Variants in WDR11 observed in about 807,000 individuals in gnomAD.
WDR11 encodes WD repeat domain 11, also known as WD repeat-containing protein 11.
Under a neutral mutation model 151.2 loss-of-function variants are expected in WDR11, and 83 were observed. The observed-to-expected ratio is 0.55, with a 90% CI of 0.46 to 0.66. The LOEUF is 0.66. Among genes scored for constraint, WDR11 ranks in the 30% least tolerant of loss-of-function variants. The pLI is 0.00. For synonymous variants in WDR11, 484 were observed against 533.1 expected (o/e 0.91, Z 1.27); for missense variants, 1,301 against 1,480.9 (o/e 0.88, Z 1.99).
chr10:120,873,385 A>G (rs1846616153), intron 10 of WDR11, among the ~76,000 whole-genome samples: 1 of 152,212 alleles, frequency 6.6e-6, no homozygotes, highest in African/African-American at 2.4e-5. Context: ...TCTTGTCAGG[A>G]TTTATTTAAT....
intron 23 of WDR11, 84 bp downstream of exon 23, chr10:120,903,316 T>G: frequency 6.6e-7 from 1 of 1,524,084 alleles, no homozygotes; most frequent in Non-Finnish European, 9.0e-7. Flanking sequence ...TTGGGAAACT[T>G]TCAAACTAAG....
intron 2 of WDR11, 102 bp downstream of exon 2, chr10:120,852,737 G>C: frequency 1.0e-6 from 1 of 994,334 alleles, no homozygotes. Flanking sequence ...GTGTTGAATA[G>C]CTTTTAAATA....
intron 2 of WDR11, among the ~76,000 whole-genome samples, chr10:120,856,650 G>A (rs900342868): frequency 6.9e-6 from 1 of 144,000 alleles, no homozygotes; most frequent in Admixed American, 6.9e-5. Context: ...TTTTGTTTTT[G>A]TTTCTCTGCA....
At chr10:120,894,128 C>T (rs1442718247) in intron 19 of WDR11, among the ~76,000 whole-genome samples, 1 of 151,764 alleles carries the variant, frequency 6.6e-6, no homozygotes, top group Non-Finnish European at 1.5e-5. Context: ...AGGTTTTCTT[C>T]TAGGGTTTTT....
chr10:120,898,658 G>A (rs1199013165), intron 19 of WDR11, among the ~76,000 whole-genome samples: 2 of 152,198 alleles, frequency 1.3e-5, no homozygotes, highest in African/African-American at 4.8e-5. Context: ...ACGATAGTAA[G>A]TGAGTTCTTA....
At position 120,903,231 on chromosome 10, in the gene WDR11, A is replaced by G. The variant is rs1217204869; in HGVS notation, c.2930A>G (p.Gln977Arg). 2.5e-6 allele frequency: 4 copies of G among 1,614,182 alleles called. No individual in the cohort carries two copies. Reference protein sequence around the residue: ...YDVLCENAYFQKFQLERVNLQ... With the variant: ...YDVLCENAYFRKFQLERVNLQ... ...GTGCTCTGTGAAAATGCCTACTTTC[A>G]GGTAGTCTGCTTCACACAGCAAAAC... The change falls in exon 23 of 29, where the codon CAG becomes CGG. Residue 977 changes from glutamine to arginine, a missense_variant and splice_region_variant. Gln to Arg is a conservative substitution (Grantham distance 43). Transcript: ENST00000263461.
intron 2 of WDR11, among the ~76,000 whole-genome samples, chr10:120,854,755 G>GTATC (rs1731394403): frequency 6.6e-6 from 1 of 152,164 alleles, no homozygotes; most frequent in African/African-American, 2.4e-5. Context: ...AAGGTGTGGA[G>GTATC]TATCTTTTCA....
chr10:120,885,487 T>C (rs1847187951), intron 14 of WDR11, among the ~76,000 whole-genome samples: 1 of 152,046 alleles, frequency 6.6e-6, no homozygotes, highest in Non-Finnish European at 1.5e-5. Context: ...GTTCGAGAAC[T>C]GTGATTGTCT....
intron 11 of WDR11, among the ~76,000 whole-genome samples, chr10:120,874,222 G>GT (rs150658583): frequency 0.31 from 31,052 of 100,722 alleles, 4,545 homozygotes; most frequent in African/African-American, 0.41. Flanking sequence ...GTTTTGTTTT[G>GT]TTTTGTTTTT....
At chr10:120,874,202 G>C in intron 11 of WDR11, among the ~76,000 whole-genome samples, 1 of 72,128 alleles carries the variant, frequency 1.4e-5, no homozygotes, top group Non-Finnish European at 2.9e-5. Flanking sequence ...TGTTGTTGTT[G>C]TTGTTGTTTG....
intron 11 of WDR11, among the ~76,000 whole-genome samples, chr10:120,875,986 T>C (rs1421396841): frequency 2.0e-5 from 3 of 147,848 alleles, no homozygotes; most frequent in Non-Finnish European, 3.0e-5. Flanking sequence ...TTCTTTTTTT[T>C]TTTTTTTTTG....
chr10:120,865,803 G>C, intron 7 of WDR11, 59 bp downstream of exon 7: 1 of 1,213,482 alleles, frequency 8.2e-7, no homozygotes, highest in Non-Finnish European at 1.2e-6. Flanking sequence ...TATAAAGCTT[G>C]ATGTGGCAAA....
In WDR11 at chr10:120,905,195, G is replaced by T. The variant is rs538025318; in HGVS notation, c.3194-124G>T. 6.7e-6 allele frequency: 6 copies of T among 893,454 alleles called. No individual in the cohort carries two copies. In the South Asian group the frequency reaches 8.3e-5, roughly 12 times the overall value. 55.3% of individuals were successfully genotyped at this position (893,454 alleles called of 1,614,324 possible). On this transcript the variant is annotated intron_variant, in intron 25 of 28. Transcript: ENST00000263461. The stretch of plus-strand genomic sequence containing the variant: ...TATTATGTTTCAGAATTTAAATCAA[G>T]AATGTCTTCAGTAGGTATAAAATGG...
intron 11 of WDR11, among the ~76,000 whole-genome samples, chr10:120,877,159 T>C (rs1846823543): frequency 6.6e-6 from 1 of 152,190 alleles, no homozygotes; most frequent in South Asian, 2.1e-4. Context: ...GTTATAGATG[T>C]CACTAAATAC....
intron 10 of WDR11, among the ~76,000 whole-genome samples, chr10:120,873,503 G>A (rs1474343549): frequency 6.6e-6 from 1 of 152,166 alleles, no homozygotes; most frequent in Non-Finnish European, 1.5e-5. Flanking sequence ...AACCTTCTGA[G>A]TCTCAAAAAG....
chr10:120,900,034 G>C lies in WDR11; in HGVS notation c.2521G>C (p.Val841Leu), dbSNP rs777387608. The change falls in exon 20 of 29, where the codon GTG becomes CTG. Residue 841 changes from valine (V) to leucine (L), a missense_variant. Physicochemically the swap from Val to Leu is conservative, Grantham distance 32 (BLOSUM62 1). Coordinates refer to ENST00000263461, the MANE Select transcript of WDR11 (RefSeq NM_018117.12). ...RMDEQELTEPVWCPYLLVPRA... is the reference protein window; with the variant it reads ...RMDEQELTEPLWCPYLLVPRA... The stretch of plus-strand genomic sequence containing the variant: ...AACCTTTCTTTGTTGTCTAGAGCCT[G>C]TGTGGTGCCCCTATCTCCTTGTTCC... 6.2e-7 allele frequency: 1 copy of C among 1,613,374 alleles called. No homozygotes were observed.
rs1480167592 is a variant in WDR11, at chr10:120,878,219, T to TA, written c.1557-130dup. 24 of 680,222 alleles carry TA rather than the reference T, an allele frequency of 3.5e-5. No individual in the cohort carries two copies. The South Asian group carries it at 4.3e-4, about 12-fold the overall frequency. The allele number at this position is 680,222 out of a possible 1,614,324, so 42.1% of individuals were successfully genotyped here. A position where few individuals can be genotyped will look rare whatever the true frequency, so the allele number is the denominator to read the frequency against. On this transcript the variant is annotated intron_variant, in intron 11 of 28. Transcript: ENST00000263461. ...TCTCAAATAAAAGGTCATGTTAAGA[T>TA]AAAAGGTCATGCTTACTTTTTAATT...
intron 21 of WDR11, among the ~76,000 whole-genome samples, 176 bp from the exon 22 acceptor site, chr10:120,902,081 T>G (rs770930822): frequency 1.6e-4 from 24 of 152,268 alleles, no homozygotes; most frequent in Admixed American, 8.5e-4. Context: ...GAGAACACTC[T>G]CAGCCCCCTT....
chr10:120,908,417 C>A, intron 28 of WDR11, 139 bp from the exon 29 acceptor site: 1 of 862,244 alleles, frequency 1.2e-6, no homozygotes, highest in Non-Finnish European at 1.9e-6. Flanking sequence ...TGTGTTCATC[C>A]TGTGCTGCCC....
Sources: allele counts gnomAD v4.1 joint callset (sites outside exome capture counted in the v4.1 genomes callset), GRCh38; gene constraint gnomAD v4.1.1; transcripts MANE v1.5; gene names NCBI Gene and HGNC (gene_info 2026-07-23, HGNC 2026-07-21).